The following SAXO2 variants were observed in gnomAD, a reference collection of about 807,000 sequenced individuals.
The protein encoded by SAXO2 is stabilizer of axonemal microtubules 2, also known as family with sequence similarity 154, member B.
A neutral mutation model predicts 18.7 loss-of-function variants in SAXO2; 17 were observed. The ratio of observed to expected loss-of-function variants is 0.91; its 90% confidence interval spans 0.62 to 1.36. SAXO2 has a LOEUF of 1.36. Ranked by LOEUF, SAXO2 falls within the 40% of genes most tolerant of loss-of-function variation. SAXO2 has a pLI of 0.00. For synonymous variants in SAXO2, 163 were observed against 181.2 expected, an observed-to-expected ratio of 0.90 and a Z score of 0.81; for missense variants, 486 against 562.6, an observed-to-expected ratio of 0.86 and a Z score of 1.38.
intron 3 of SAXO2, among the ~76,000 whole-genome samples, chr15:82,272,531 G>T (rs774653154): frequency 2.6e-4 from 39 of 151,238 alleles, no homozygotes; most frequent in Middle Eastern, 6.9e-3. Flanking sequence ...CTGTTTTTTT[G>T]TTGTTGTTGT....
At position 82,283,144 on chromosome 15, in the gene SAXO2, TTATGA is replaced by T. The variant is rs1174613100; in HGVS notation, c.*86_*90del. On this transcript the variant is annotated 3_prime_UTR_variant, in exon 4 of 4. Coordinates refer to ENST00000682753, the MANE Select transcript of SAXO2 (RefSeq NM_001348699.2). ...AACTCAATTTTTATAGTTAAAAAAT[TTATGA>T]TATAATAAATCATTTTTTATATTTT... 3.4e-6 allele frequency: 3 copies of T among 892,468 alleles called. No individual in the cohort carries two copies. The Admixed American group carries it at 1.1e-4, about 34-fold the overall frequency. The allele number at this position is 892,468 out of a possible 1,614,324, so 55.3% of individuals were successfully genotyped here.
chr15:82,280,402 T>TC (rs2075352702), intron 3 of SAXO2, among the ~76,000 whole-genome samples: 1 of 152,152 alleles, frequency 6.6e-6, no homozygotes. Flanking sequence ...AAACCTTCAA[T>TC]AACATCTATG....
In SAXO2 at chr15:82,282,687, T is replaced by C. The variant is rs775823626; in HGVS notation, c.1002T>C (p.Ser334=). The part of the protein sequence containing the change: ...VPIRPVSQKR[S]NNFPFQGKSI... ...TCAGGCCAGTTTCTCAAAAAAGAAG[T>C]AACAATTTTCCTTTCCAAGGAAAAA... The change falls in exon 4 of 4, where the codon AGT becomes AGC. Residue 334 remains serine (S), a synonymous_variant. Coordinates refer to ENST00000682753, the MANE Select transcript of SAXO2 (RefSeq NM_001348699.2). 6.2e-7 allele frequency: 1 copy of C among 1,614,030 alleles called. No individual in the cohort carries two copies. Among genetic ancestry groups the C allele is most frequent in the African/African-American group, 1.3e-5 (1 of 74,916 alleles).
chr15:82,271,580 T>G, intron 2 of SAXO2, 23 bp from the exon 3 acceptor site: 1 of 1,557,692 alleles, frequency 6.4e-7, no homozygotes, highest in Non-Finnish European at 8.7e-7. Flanking sequence ...TGTGAGGCTA[T>G]GTTTCAAATT....
Position 82,282,148 on chromosome 15 carries a change from A to G in SAXO2, c.463A>G (p.Ser155Gly), listed in dbSNP as rs1269624462. Reference protein sequence around the residue: ...DDYRAWDLHKSELYKPEQTYH... With the variant: ...DDYRAWDLHKGELYKPEQTYH... ...TTATAGAGCTTGGGACCTTCATAAA[A>G]GTGAACTTTATAAGCCAGAACAAAC... The change falls in exon 4 of 4, where the codon AGT (serine) becomes GGT (glycine). Residue 155 changes from serine to glycine, a missense_variant. By Grantham distance (56) the Ser-to-Gly change is moderately conservative (BLOSUM62 0). Coordinates refer to ENST00000682753, the MANE Select transcript of SAXO2 (RefSeq NM_001348699.2). 6.2e-7 allele frequency: 1 copy of G among 1,612,832 alleles called. No homozygotes were observed. Among genetic ancestry groups the G allele is most frequent in the African/African-American group, 1.3e-5 (1 of 74,940 alleles).
intron 2 of SAXO2, among the ~76,000 whole-genome samples, chr15:82,269,080 T>C (rs2075246391): frequency 6.6e-6 from 1 of 152,190 alleles, no homozygotes; most frequent in Admixed American, 6.6e-5. Flanking sequence ...TAAAAAATTA[T>C]TAAGCATTTA....
In SAXO2 at chr15:82,282,270, C is replaced by T. The variant is rs756356009; in HGVS notation, c.585C>T (p.Ser195=). ...AGCCTAGGCAAAGCTTTAAACCCTC[C>T]TCTGTGGTCAAACGTTCTACAGCCC... ...EIKPRQSFKP[S]SVVKRSTAPF... is the part of the protein sequence containing the mutation. The change falls in exon 4 of 4, where the codon TCC becomes TCT. Residue 195 remains serine (S), a synonymous_variant. Transcript: ENST00000682753. 3.1e-6 allele frequency: 5 copies of T among 1,614,146 alleles called. No homozygotes were observed. The highest frequency in any genetic ancestry group is 4.2e-6 in the Non-Finnish European group (5 of 1,180,030).
chr15:82,276,407 T>C (rs975840579), intron 3 of SAXO2, among the ~76,000 whole-genome samples: 8 of 152,114 alleles, frequency 5.3e-5, no homozygotes. Context: ...AAGGCAATCC[T>C]AAACAAAAAG....
chr15:82,271,295 GA>G (rs1192092256), intron 2 of SAXO2, among the ~76,000 whole-genome samples: 2 of 151,676 alleles, frequency 1.3e-5, no homozygotes, highest in South Asian at 4.2e-4. Flanking sequence ...TTCCAGGTTA[GA>G]AAAAAAATCA....
In SAXO2 at chr15:82,263,079, G is replaced by T. The variant is rs2075153019; in HGVS notation, c.53+147G>T. ...GCGCAGCGACATCCCCACTTATCCCGCTCCGCGAATACTCGCTCCTCACCC... is the reference window on the plus strand; with the variant it reads ...GCGCAGCGACATCCCCACTTATCCCTCTCCGCGAATACTCGCTCCTCACCC... On this transcript the variant is annotated intron_variant, in intron 1 of 3. Transcript: ENST00000682753. 3 of 1,509,860 alleles carry T rather than the reference G, an allele frequency of 2.0e-6. No individual in the cohort carries two copies. In the Admixed American group the frequency reaches 7.1e-5, roughly 36 times the overall value. 93.5% of individuals were successfully genotyped at this position (1,509,860 alleles called of 1,614,324 possible).
rs2075394462 is a variant in SAXO2, at chr15:82,284,540, G to A, written c.*1478G>A. ...AGAGGAAGAACCAGCCCCAGCAGGG[G>A]GCATAATCACCTGGTTCACCTCTTC... On this transcript the variant is annotated 3_prime_UTR_variant, in exon 4 of 4. Transcript: ENST00000682753. The A allele has an allele frequency of 1.3e-5, 2 of 151,802 alleles. No individual in the cohort carries two copies. Among genetic ancestry groups the A allele is most frequent in the African/African-American group, 2.4e-5 (1 of 41,286 alleles). The allele number at this position is 151,802 out of a possible 1,614,324, so 9.4% of individuals were successfully genotyped here. A position where few individuals can be genotyped will look rare whatever the true frequency, so the allele number is the denominator to read the frequency against.
intron 1 of SAXO2, among the ~76,000 whole-genome samples, chr15:82,264,067 GA>G (rs1426945298): frequency 0.011 from 1,526 of 133,968 alleles, 28 homozygotes; most frequent in South Asian, 0.016. Flanking sequence ...CATATGCATT[GA>G]TTTTTTTTTT....
rs765745822 is a variant in SAXO2 at position 82,282,229 on chromosome 15, G to T, written c.544G>T (p.Val182Phe). 14 of 1,614,006 alleles carry T rather than the reference G, an allele frequency of 8.7e-6. No individual in the cohort carries two copies. The highest frequency in any genetic ancestry group is 2.2e-5 in the East Asian group (1 of 44,904). ...GNSTTFQDDF[V>F]PQEIKPRQSF... ...TTCAACTACATTTCAGGATGATTTT[G>T]TTCCTCAGGAGATAAAGCCTAGGCA... Residue 182 changes from valine to phenylalanine, a missense_variant, in exon 4 of 4, where the codon GTT becomes TTT. By Grantham distance (50) the Val-to-Phe change is conservative (BLOSUM62 -1). Transcript: ENST00000682753.
At chr15:82,266,146 A>AAC (rs1012257250) in intron 2 of SAXO2, among the ~76,000 whole-genome samples, 8 of 41,972 alleles carry the variant, frequency 1.9e-4, no homozygotes, top group African/African-American at 3.4e-4. Context: ...AAACAACAAC[A>AAC]AAAAAAAAAT....
At position 82,263,270 on chromosome 15, in the gene SAXO2, A is replaced by AC. The variant is rs2075158517; in HGVS notation, c.53+342dup. 1.1e-5 allele frequency: 15 copies of AC among 1,401,536 alleles called. No homozygotes were observed. In the South Asian group the frequency reaches 1.9e-4, roughly 18 times the overall value. The allele number at this position is 1,401,536 out of a possible 1,614,324, so 86.8% of individuals were successfully genotyped here. On this transcript the variant is annotated intron_variant, in intron 1 of 3. Transcript: ENST00000682753. ...GATCCGACTGGGAGAGTGCATTTCC[A>AC]CCCCATAATCCCCCACCACGAAGAT...
rs2075382742 is a variant in SAXO2, at chr15:82,283,101, G to A, written c.*39G>A. 4.5e-6 allele frequency: 6 copies of A among 1,326,306 alleles called. No individual in the cohort carries two copies. The East Asian group carries it at 1.1e-4, about 24-fold the overall frequency. The allele number at this position is 1,326,306 out of a possible 1,614,324, so 82.2% of individuals were successfully genotyped here. A position where few individuals can be genotyped will look rare whatever the true frequency, so the allele number is the denominator to read the frequency against. On this transcript the variant is annotated 3_prime_UTR_variant, in exon 4 of 4. Coordinates refer to ENST00000682753, the MANE Select transcript of SAXO2 (RefSeq NM_001348699.2). The stretch of plus-strand genomic sequence containing the variant: ...CTTAAAAGGAAGGTACTAGCAAGTT[G>A]TTGTTTTTCCAAGAGAAAACTCAAT...
intron 2 of SAXO2, 147 bp downstream of exon 2, chr15:82,265,895 GA>G (rs985863711): frequency 0.012 from 4,206 of 345,566 alleles, 3 homozygotes; most frequent in East Asian, 0.015. Flanking sequence ...GTCACAACTT[GA>G]AAAAAAAAAA....
chr15:82,269,427 CAAAG>C (rs977598560), intron 2 of SAXO2, among the ~76,000 whole-genome samples: 2 of 152,092 alleles, frequency 1.3e-5, no homozygotes, highest in African/African-American at 4.8e-5. Flanking sequence ...AGAAAATTGT[CAAAG>C]AAAGCCAGGT....
chr15:82,282,686 G>T lies in SAXO2; in HGVS notation c.1001G>T (p.Ser334Ile), dbSNP rs769893098. ...VPIRPVSQKR[S>I]NNFPFQGKSI... ...ATCAGGCCAGTTTCTCAAAAAAGAA[G>T]TAACAATTTTCCTTTCCAAGGAAAA... The change falls in exon 4 of 4, where the codon AGT becomes ATT. Residue 334 changes from serine to isoleucine, a missense_variant. Physicochemically the swap from Ser to Ile is moderately radical, Grantham distance 142. Transcript: ENST00000682753. The T allele has an allele frequency of 9.3e-6, 15 of 1,614,134 alleles. No homozygotes were observed. Among genetic ancestry groups the T allele is most frequent in the Non-Finnish European group, 1.2e-5 (14 of 1,180,018 alleles).
Sources: gnomAD v4.1 joint callset for allele counts (sites outside exome capture counted in the v4.1 genomes callset) on GRCh38, gnomAD v4.1.1 for gene constraint, MANE v1.5 for transcripts, NCBI Gene and HGNC (gene_info 2026-07-23, HGNC 2026-07-21) for gene names.